HNRNPAB: variants seen among roughly 807,000 people sequenced by gnomAD.
HNRNPAB encodes heterogeneous nuclear ribonucleoprotein A/B.
HNRNPAB carries 17 observed loss-of-function variants against 44.1 expected under a neutral mutation model. The observed-to-expected ratio is 0.39, with a 90% CI of 0.26 to 0.58. The LOEUF (loss-of-function observed/expected upper bound fraction) is 0.58. Among genes scored for constraint, HNRNPAB ranks in the 20% least tolerant of loss-of-function variants. The pLI is 0.63. For missense variants in HNRNPAB, 393 were observed against 432.7 expected (o/e 0.91, Z 0.81); for synonymous variants, 183 against 167.6 (o/e 1.09, Z -0.71).
At chr5:178,207,481 A>G (rs1757121425) in intron 5 of HNRNPAB, among the ~76,000 whole-genome samples, 1 of 152,178 alleles carries the variant, frequency 6.6e-6, no homozygotes, top group Non-Finnish European at 1.5e-5. Context: ...GAGCAGGTTG[A>G]GTAGCCTCTT....
At position 178,207,213 on chromosome 5, in the gene HNRNPAB, C is replaced by T. The variant is rs370066802; in HGVS notation, c.657C>T (p.Val219=). 2.9e-5 allele frequency: 46 copies of T among 1,614,020 alleles called. No homozygotes were observed. The highest frequency in any genetic ancestry group is 3.7e-5 in the Non-Finnish European group (44 of 1,180,016). ...TTCTGGAGAAAAAGTTCCATACTGT[C>T]AGTGGAAGCAAGGTAAGGTGTTCCC... ...KKVLEKKFHT[V]SGSKCEIKVA... is the part of the protein sequence containing the mutation. The change falls in exon 5 of 8, where the codon GTC becomes GTT. Residue 219 remains valine (V), a synonymous_variant. Transcript: ENST00000358344.
intron 5 of HNRNPAB, 143 bp downstream of exon 5, chr5:178,207,368 T>C (rs534837271): frequency 4.4e-5 from 42 of 957,848 alleles, no homozygotes; most frequent in African/African-American, 2.6e-4. Context: ...GCTGCCCTGA[T>C]TGGGGCAGTG....
chr5:178,210,395 T>A lies in HNRNPAB; in HGVS notation c.928+123T>A, dbSNP rs987618937. Reference sequence around the variant, plus strand: ...ACAGGCCTGGCTCAGCCATGGGAGCTACTTGATTTTGAGCCTTAGACTTCG... The same window carrying A: ...ACAGGCCTGGCTCAGCCATGGGAGCAACTTGATTTTGAGCCTTAGACTTCG... On this transcript the variant is annotated intron_variant, in intron 7 of 7. Coordinates refer to ENST00000358344, the MANE Select transcript of HNRNPAB (RefSeq NM_031266.3). The A allele has an allele frequency of 2.2e-5, 35 of 1,565,224 alleles. No homozygotes were observed. The East Asian group carries it at 8.2e-4, about 36-fold the overall frequency.
At chr5:178,210,474 C>G in intron 7 of HNRNPAB, 79 bp from the exon 8 acceptor site, 7 of 1,510,780 alleles carry the variant, frequency 4.6e-6, no homozygotes, top group Non-Finnish European at 6.4e-6. Flanking sequence ...GGTGAGGGTC[C>G]TGGGAAGATG....
chr5:178,210,232 G>A lies in HNRNPAB; in HGVS notation c.888G>A (p.Ser296=), dbSNP rs531828488. The part of the protein sequence containing the change: ...YGPGYGGYDY[S]PYGYYGYGPG... ...CTGGCTATGGCGGCTACGACTACTC[G>A]CCCTATGGCTATTACGGCTACGGCC... The change falls in exon 7 of 8, where the codon TCG becomes TCA. Residue 296 remains serine, a synonymous_variant. Coordinates refer to ENST00000358344, the MANE Select transcript of HNRNPAB (RefSeq NM_031266.3). 68 of 1,613,294 alleles carry A rather than the reference G, an allele frequency of 4.2e-5. 1 individual carries two copies. In the South Asian group the frequency reaches 7.1e-4, roughly 17 times the overall value.
intron 6 of HNRNPAB, 34 bp downstream of exon 6, chr5:178,209,481 T>G (rs1289300963): frequency 1.3e-6 from 2 of 1,572,366 alleles, no homozygotes; most frequent in African/African-American, 1.3e-5. Flanking sequence ...AGGTCCTGTT[T>G]CCCTGCCTAC....
chr5:178,206,637 T>C (rs1409479015), intron 3 of HNRNPAB, 95 bp from the exon 4 acceptor site: 6 of 1,039,220 alleles, frequency 5.8e-6, no homozygotes, highest in South Asian at 4.7e-5. Context: ...GTGAAACACA[T>C]GTTTGTATCT....
intron 3 of HNRNPAB, among the ~76,000 whole-genome samples, chr5:178,206,436 C>G (rs1288994775): frequency 6.6e-6 from 1 of 152,188 alleles, no homozygotes; most frequent in Non-Finnish European, 1.5e-5. Flanking sequence ...GGCCCATCTT[C>G]AGCCTATGCT....
chr5:178,205,657 C>G, intron 2 of HNRNPAB, 185 bp from the exon 3 acceptor site: 2 of 587,290 alleles, frequency 3.4e-6, no homozygotes, highest in South Asian at 4.6e-5. Flanking sequence ...CCTTGTTAAG[C>G]CTCGTTAGGG....
chr5:178,210,792 C>G lies in HNRNPAB; in HGVS notation c.*169C>G. On this transcript the variant is annotated 3_prime_UTR_variant, in exon 8 of 8. Coordinates refer to ENST00000358344, the MANE Select transcript of HNRNPAB (RefSeq NM_031266.3). ...ACTCTCCTGTTGACTATTTCCAGAG[C>G]TCTAGGTGTTTAGGCAGCGTGTGGT... 1.6e-6 allele frequency: 1 copy of G among 639,444 alleles called. No individual in the cohort carries two copies. The highest frequency in any genetic ancestry group is 2.8e-6 in the Non-Finnish European group (1 of 355,572). 39.6% of individuals were successfully genotyped at this position (639,444 alleles called of 1,614,324 possible).
At chr5:178,209,475 CCT>C in intron 6 of HNRNPAB, 28 bp downstream of exon 6, 1 of 1,578,344 alleles carries the variant, frequency 6.3e-7, no homozygotes, top group Non-Finnish European at 8.7e-7. Flanking sequence ...GAAGATAGGT[CCT>C]GTTTCCCTGC....
chr5:178,206,148 A>G, intron 3 of HNRNPAB, 138 bp downstream of exon 3: 2 of 774,630 alleles, frequency 2.6e-6, no homozygotes, highest in Non-Finnish European at 4.3e-6. Context: ...GCCGGAGGTT[A>G]TGTTCCGGTT....
intron 6 of HNRNPAB, among the ~76,000 whole-genome samples, chr5:178,209,863 A>AG (rs1757645789): frequency 6.6e-6 from 1 of 152,134 alleles, no homozygotes. Flanking sequence ...TAAGCTGCCA[A>AG]GGAGAGTGGG....
chr5:178,205,536 C>T (rs922004952), intron 2 of HNRNPAB: 7 of 219,270 alleles, frequency 3.2e-5, no homozygotes, highest in Non-Finnish European at 5.4e-5. Context: ...GAGACGCTGG[C>T]CCTTTGCTAC....
In HNRNPAB at chr5:178,210,709, C is replaced by CAA. The variant is rs1039093260; in HGVS notation, c.*88_*89dup. ...CAATTATGTACCAAATTTAACTTGG[C>CAA]AAACTTTCTATTGCCTGTCCCATGT... On this transcript the variant is annotated 3_prime_UTR_variant, in exon 8 of 8. Transcript: ENST00000358344. The CAA allele has an allele frequency of 6.6e-6, 7 of 1,060,134 alleles. No homozygotes were observed. The highest frequency in any genetic ancestry group is 1.0e-5 in the Non-Finnish European group (7 of 684,802). 65.7% of individuals were successfully genotyped at this position (1,060,134 alleles called of 1,614,324 possible).
rs549466724 is a variant in HNRNPAB, at chr5:178,211,069, ATGTAT to A, written c.*451_*455del. On this transcript the variant is annotated 3_prime_UTR_variant, in exon 8 of 8. Transcript: ENST00000358344. ...CTTTTTGGTACCTTTTGGGAATCTA[ATGTAT>A]TGTAAGGTATTTTACACGTGTCCTG... The A allele has an allele frequency of 1.8e-4, 34 of 187,888 alleles. 1 individual carries two copies. The South Asian group carries it at 2.9e-3, about 16-fold the overall frequency. The allele number at this position is 187,888 out of a possible 1,614,324, so 11.6% of individuals were successfully genotyped here.
intron 6 of HNRNPAB, 145 bp from the exon 7 acceptor site, chr5:178,209,987 C>T (rs1272331554): frequency 1.4e-5 from 15 of 1,037,662 alleles, no homozygotes; most frequent in Non-Finnish European, 1.2e-5. Context: ...GGGCCCAGGG[C>T]CCTTATACAC....
intron 2 of HNRNPAB, chr5:178,205,615 T>A (rs1357146120): frequency 5.9e-6 from 3 of 509,064 alleles, no homozygotes; most frequent in African/African-American, 1.9e-5. Flanking sequence ...AGGTGGTCCC[T>A]TCTTTGCTTC....
chr5:178,205,175 C>T, intron 2 of HNRNPAB, 129 bp downstream of exon 2: 4 of 581,408 alleles, frequency 6.9e-6, no homozygotes, highest in Non-Finnish European at 7.2e-6. Flanking sequence ...CGGACTGTCG[C>T]CGCTGCGTTC....
Sources: gnomAD v4.1 joint callset for allele counts (sites outside exome capture counted in the v4.1 genomes callset) on GRCh38, gnomAD v4.1.1 for gene constraint, MANE v1.5 for transcripts, NCBI Gene and HGNC (gene_info 2026-07-23, HGNC 2026-07-21) for gene names.